Variants in MIB1 observed in about 807,000 individuals in gnomAD.
MIB1 encodes E3 ubiquitin-protein ligase MIB1.
MIB1 carries 278 observed loss-of-function variants against 124.5 expected under a neutral mutation model. That is an observed-to-expected ratio of 2.23 (90% CI 2.02 to 2.47). The LOEUF is 2.47. Among genes scored for constraint, MIB1 ranks in the 30% most tolerant of loss-of-function variants. The pLI is 0.00. For synonymous variants in MIB1, 446 were observed against 429.4 expected, an observed-to-expected ratio of 1.04 and a Z score of -0.48; for missense variants, 957 against 1,254.4, an observed-to-expected ratio of 0.76 and a Z score of 3.58.
intron 18 of MIB1, chr18:21,854,681 T>A: frequency 4.9e-6 from 1 of 204,186 alleles, no homozygotes; most frequent in Non-Finnish European, 9.9e-6. Context: ...CCTTCAACAT[T>A]TTCACGACGA....
Position 21,741,778 on chromosome 18 carries a change from T to TTA in MIB1, c.196_197dup (p.Asp67ThrfsTer55). 1 of 1,608,518 alleles carries TTA rather than the reference T, an allele frequency of 6.2e-7. No individual in the cohort carries two copies. The highest frequency in any genetic ancestry group is 8.5e-7 in the Non-Finnish European group (1 of 1,178,326). ...CTGCCAACTACCGCTGCTCCGGGGC[T>TTA]TACGACCTCCGCATCCTGGACAGCG... On this transcript the variant is annotated frameshift_variant, in exon 1 of 21. Transcript: ENST00000261537. LOFTEE classifies it high-confidence loss of function. The surrounding 1 kb of genome is among the most constrained non-coding windows in gnomAD (Gnocchi z 5.4).
At chr18:21,790,036 G>A (rs944690369) in intron 6 of MIB1, among the ~76,000 whole-genome samples, 5 of 152,152 alleles carry the variant, frequency 3.3e-5, no homozygotes, top group East Asian at 1.9e-4. Context: ...TGATAGCAGC[G>A]TGGAAAATGC....
At chr18:21,709,079 G>A (rs1168427739) in intron 1 of MIB1, among the ~76,000 whole-genome samples, 1 of 152,178 alleles carries the variant, frequency 6.6e-6, no homozygotes, top group Non-Finnish European at 1.5e-5. Context: ...CACTTTGGGA[G>A]GCCGAGGCGG....
At chr18:21,791,237 G>C in intron 6 of MIB1, 137 bp from the exon 7 acceptor site, 1 of 595,834 alleles carries the variant, frequency 1.7e-6, no homozygotes, top group Non-Finnish European at 2.8e-6. Context: ...ATGTATTTGT[G>C]TATATATAAA....
intron 4 of MIB1, among the ~76,000 whole-genome samples, chr18:21,775,702 T>A (rs2041277372): frequency 6.6e-6 from 1 of 152,214 alleles, no homozygotes; most frequent in African/African-American, 2.4e-5. Flanking sequence ...TCCAACTGAT[T>A]GTTAATTTTC....
chr18:21,705,166 AAGAT>A (rs2040612883), intron 1 of MIB1: 2 of 152,610 alleles, frequency 1.3e-5, no homozygotes, highest in South Asian at 4.1e-4. Flanking sequence ...GTTAATGCCA[AAGAT>A]ATGTTAGCAG....
intron 3 of MIB1, among the ~76,000 whole-genome samples, chr18:21,769,845 T>A (rs1335998681): frequency 6.6e-6 from 1 of 152,216 alleles, no homozygotes; most frequent in Non-Finnish European, 1.5e-5. Context: ...GAAGGCATTC[T>A]TGAGGCTTTG....
At chr18:21,713,371 G>C (rs890764261) in intron 1 of MIB1, among the ~76,000 whole-genome samples, 19 of 151,948 alleles carry the variant, frequency 1.3e-4, no homozygotes, top group African/African-American at 4.1e-4. Flanking sequence ...CAGCACTTTG[G>C]GAGGCCGAGA....
chr18:21,709,198 G>T (rs1362567118), intron 1 of MIB1, among the ~76,000 whole-genome samples: 1 of 151,682 alleles, frequency 6.6e-6, no homozygotes, highest in Non-Finnish European at 1.5e-5. Flanking sequence ...GGTGCCTGTG[G>T]TCTCAGCTAC....
intron 1 of MIB1, among the ~76,000 whole-genome samples, chr18:21,718,693 T>A (rs1190093055): frequency 6.6e-6 from 1 of 152,238 alleles, no homozygotes; most frequent in Non-Finnish European, 1.5e-5. Context: ...ACCAAAACTA[T>A]GGCCAACTAT....
intron 10 of MIB1, among the ~76,000 whole-genome samples, chr18:21,804,529 A>G (rs1016823332): frequency 1.3e-5 from 2 of 152,230 alleles, no homozygotes; most frequent in Admixed American, 1.3e-4. Flanking sequence ...ATATATTCTT[A>G]TAAAAGAGAA....
chr18:21,827,631 AG>A (rs1262018839), intron 12 of MIB1: 2 of 152,074 alleles, frequency 1.3e-5, no homozygotes, highest in Admixed American at 1.3e-4. Context: ...GATGATCAGA[AG>A]GGCTATGCTT....
At chr18:21,775,925 T>A (rs539698075) in intron 4 of MIB1, among the ~76,000 whole-genome samples, 2 of 152,252 alleles carry the variant, frequency 1.3e-5, no homozygotes, top group South Asian at 4.1e-4. Flanking sequence ...TATATTTCCT[T>A]AGGATAGATT....
chr18:21,753,736 G>A (rs2041001149), intron 1 of MIB1, among the ~76,000 whole-genome samples: 2 of 151,986 alleles, frequency 1.3e-5, no homozygotes, highest in East Asian at 3.9e-4. Context: ...GAGTGCAGTG[G>A]CGCGATCTCA....
At chr18:21,715,630 G>T (rs1023360624) in intron 1 of MIB1, among the ~76,000 whole-genome samples, 2 of 151,788 alleles carry the variant, frequency 1.3e-5, no homozygotes, top group Non-Finnish European at 2.9e-5. Flanking sequence ...TACAAGAAAT[G>T]AGAGAAATCG....
intron 1 of MIB1, among the ~76,000 whole-genome samples, chr18:21,708,257 A>G (rs79971407): frequency 0.022 from 3,296 of 152,182 alleles, 62 homozygotes; most frequent in Admixed American, 0.034. Flanking sequence ...CAAATCATTT[A>G]CTCTTTGGGG....
chr18:21,803,894 T>A lies in MIB1; in HGVS notation c.1372-13T>A. On this transcript the variant is annotated splice_polypyrimidine_tract_variant and intron_variant, in intron 9 of 20. Coordinates refer to ENST00000261537, the MANE Select transcript of MIB1 (RefSeq NM_020774.4). Reference sequence around the variant, plus strand: ...TTCATTCATTCTTTCATTCTTTTTTTTAAAAAATGTAGGTAAATGGGCAAT... The same window carrying A: ...TTCATTCATTCTTTCATTCTTTTTTATAAAAAATGTAGGTAAATGGGCAAT... 6.3e-7 allele frequency: 1 copy of A among 1,596,058 alleles called. No individual in the cohort carries two copies. The highest frequency in any genetic ancestry group is 8.6e-7 in the Non-Finnish European group (1 of 1,164,876).
intron 6 of MIB1, among the ~76,000 whole-genome samples, chr18:21,788,100 T>A (rs1421876998): frequency 6.6e-6 from 1 of 152,210 alleles, no homozygotes; most frequent in Non-Finnish European, 1.5e-5. Flanking sequence ...TAAAATTCAT[T>A]TGATTTCTAG....
intron 5 of MIB1, among the ~76,000 whole-genome samples, chr18:21,778,645 T>C (rs777321651): frequency 1.1e-4 from 16 of 152,126 alleles, no homozygotes; most frequent in Non-Finnish European, 2.2e-4. Context: ...TTTTGTAGAT[T>C]TATTGTTGCC....
Sources: gnomAD v4.1 joint callset for allele counts (sites outside exome capture counted in the v4.1 genomes callset) on GRCh38, gnomAD v4.1.1 for gene constraint, Gnocchi (gnomAD v3.1) non-coding constraint, MANE v1.5 for transcripts, NCBI Gene and HGNC (gene_info 2026-07-23, HGNC 2026-07-21) for gene names.